The following FBXW11 variants were observed in gnomAD, a reference collection of about 807,000 sequenced individuals.
FBXW11 encodes the protein F-box/WD repeat-containing protein 11.
Under a neutral mutation model 77.6 loss-of-function variants are expected in FBXW11, and 19 were observed. The observed-to-expected ratio is 0.24, with a 90% CI of 0.17 to 0.36. The LOEUF is 0.36. Among genes scored for constraint, FBXW11 ranks in the 10% least tolerant of loss-of-function variants. The pLI, the probability that FBXW11 is intolerant of heterozygous loss-of-function variation, is 1.00. For synonymous variants in FBXW11, 235 were observed against 249.4 expected (o/e 0.94, Z 0.54); for missense variants, 334 against 704.2 (o/e 0.47, Z 5.95).
At chr5:171,933,576 T>C (rs839263) in intron 2 of FBXW11, among the ~76,000 whole-genome samples, 6,872 of 152,188 alleles carry the variant, frequency 0.045, 370 homozygotes, top group African/African-American at 0.13. Flanking sequence ...GCCCACATTG[T>C]AAGAGGTTGT....
intron 1 of FBXW11, among the ~76,000 whole-genome samples, chr5:171,963,373 A>AT (rs1233826856): frequency 6.6e-6 from 1 of 152,190 alleles, no homozygotes; most frequent in Non-Finnish European, 1.5e-5. Context: ...AAAATGAAAC[A>AT]TCCTATGCAA....
chr5:171,959,200 C>A (rs1340954128), intron 1 of FBXW11, among the ~76,000 whole-genome samples: 2 of 151,964 alleles, frequency 1.3e-5, no homozygotes, highest in Admixed American at 1.3e-4. Context: ...AAATGACACA[C>A]TTCCAAGGTG....
intron 6 of FBXW11, among the ~76,000 whole-genome samples, chr5:171,894,416 A>G (rs1354759852): frequency 3.9e-5 from 6 of 152,240 alleles, no homozygotes; most frequent in Non-Finnish European, 8.8e-5. Flanking sequence ...TTGATGTGTC[A>G]TTTTACAAAG....
At chr5:171,870,930 T>A (rs534611435) in intron 10 of FBXW11, 72 bp from the exon 11 acceptor site, 4 of 1,036,940 alleles carry the variant, frequency 3.9e-6, no homozygotes, top group African/African-American at 1.6e-5. Context: ...GTTTTTTATA[T>A]CTGTTCCATA....
chr5:171,933,623 G>A (rs1014488528), intron 2 of FBXW11, among the ~76,000 whole-genome samples: 5 of 152,108 alleles, frequency 3.3e-5, no homozygotes, highest in Non-Finnish European at 7.4e-5. Context: ...AGAATCCCAG[G>A]AGGAAGTATT....
At chr5:171,956,098 G>A (rs1763594418) in intron 2 of FBXW11, among the ~76,000 whole-genome samples, 1 of 152,080 alleles carries the variant, frequency 6.6e-6, no homozygotes, top group African/African-American at 2.4e-5. Flanking sequence ...TTCCAGTTCT[G>A]GAAAAAACTC....
rs539716018 is a variant in FBXW11 at position 171,874,093 on chromosome 5, G to A, written c.1222-1103C>T. Among the ~76,000 whole-genome samples, 6 of 152,280 alleles carry A rather than the reference G, an allele frequency of 3.9e-5. No individual in the cohort carries two copies. The East Asian group carries it at 1.2e-3, about 29-fold the overall frequency. ...AGTGAAAAGACAACTCACAGAAAGG[G>A]AGAAAATATTTGCAAATCATGTATC... On this transcript the variant is annotated intron_variant, in intron 9 of 13. Transcript: ENST00000517395.
intron 1 of FBXW11, among the ~76,000 whole-genome samples, chr5:172,002,696 C>CTTTTTTTTTTTTTTTTTTTTTTTT (rs34300477): frequency 2.1e-5 from 2 of 97,054 alleles, no homozygotes; most frequent in African/African-American, 4.7e-5. Context: ...TTTTTCTTTT[C>CTTTTTTTTTTTTTTTTTTTTTTTT]TTTTTTTTTT....
chr5:171,977,706 G>A (rs1233781590), intron 1 of FBXW11: 1 of 415,602 alleles, frequency 2.4e-6, no homozygotes, highest in African/African-American at 2.1e-5. Flanking sequence ...ATCTTAAGTA[G>A]AATGGCAGCA....
chr5:171,925,440 C>T (rs1761838321), intron 2 of FBXW11, among the ~76,000 whole-genome samples: 1 of 152,042 alleles, frequency 6.6e-6, no homozygotes, highest in Admixed American at 6.6e-5. Flanking sequence ...ACAAAAAAAA[C>T]AGTATCTGGC....
chr5:171,939,799 G>A (rs780481468), intron 2 of FBXW11, among the ~76,000 whole-genome samples: 22 of 151,638 alleles, frequency 1.5e-4, no homozygotes, highest in African/African-American at 3.9e-4. Flanking sequence ...TTTGCAAGGC[G>A]TGTCATCCCT....
At chr5:171,929,817 G>A (rs991102764) in intron 2 of FBXW11, among the ~76,000 whole-genome samples, 61 of 152,118 alleles carry the variant, frequency 4.0e-4, no homozygotes, top group Admixed American at 2.2e-3. Flanking sequence ...GCACCACTGC[G>A]CTCCAGCCTA....
chr5:171,929,683 C>A lies in FBXW11; in HGVS notation c.148-15278G>T, dbSNP rs1256476410. Among the ~76,000 whole-genome samples, 5 of 151,848 alleles carry A rather than the reference C, an allele frequency of 3.3e-5. No individual in the cohort carries two copies. The East Asian group carries it at 9.7e-4, about 29-fold the overall frequency. ...TGGCTAATGTGGTGAAACCCCATCT[C>A]TACTAAAAATACAAAAAAATTAGCC... On this transcript the variant is annotated intron_variant, in intron 2 of 13. Coordinates refer to ENST00000517395, the MANE Select transcript of FBXW11 (RefSeq NM_001378974.1).
intron 2 of FBXW11, among the ~76,000 whole-genome samples, chr5:171,946,814 T>G (rs1180167756): frequency 7.4e-6 from 1 of 135,912 alleles, no homozygotes; most frequent in Non-Finnish European, 1.6e-5. Flanking sequence ...ACTTTTTTTT[T>G]TTTTTTTTTT....
intron 1 of FBXW11, among the ~76,000 whole-genome samples, chr5:171,982,820 C>G (rs114093841): frequency 6.6e-6 from 1 of 152,008 alleles, no homozygotes; most frequent in African/African-American, 2.4e-5. Flanking sequence ...TGACCTGACC[C>G]GAGGCACGAC....
intron 1 of FBXW11, among the ~76,000 whole-genome samples, chr5:171,992,445 GGAGAGAGA>G (rs142539171): frequency 1.3e-5 from 2 of 148,270 alleles, no homozygotes; most frequent in African/African-American, 2.5e-5. Flanking sequence ...AGAGAAAGGG[GGAGAGAGA>G]GAGAGAGAGG....
intron 7 of FBXW11, among the ~76,000 whole-genome samples, chr5:171,879,222 G>C (rs1448904464): frequency 6.6e-6 from 1 of 152,128 alleles, no homozygotes; most frequent in East Asian, 1.9e-4. Context: ...AGCCTTTTTA[G>C]ATTGGCTTCT....
intron 7 of FBXW11, among the ~76,000 whole-genome samples, chr5:171,881,170 A>G (rs1336514988): frequency 6.6e-6 from 1 of 152,184 alleles, no homozygotes; most frequent in Non-Finnish European, 1.5e-5. Context: ...GTCATCTACA[A>G]GCAAAGACAG....
In FBXW11 at chr5:171,931,447, TC is replaced by T. The variant is rs375971346; in HGVS notation, c.148-17043del. 7.2e-4 allele frequency among the ~76,000 whole-genome samples: 109 copies of T among 152,288 alleles called. 1 individual carries two copies. The highest frequency in any genetic ancestry group is 2.4e-3 in the African/African-American group (98 of 41,560). ...AGCAAAGTCAATACGATGAAGAGTC[TC>T]ATCAACAAATGGACATCTATATGCA... On this transcript the variant is annotated intron_variant, in intron 2 of 13. Coordinates refer to ENST00000517395, the MANE Select transcript of FBXW11 (RefSeq NM_001378974.1).
Sources: allele counts gnomAD v4.1 joint callset (sites outside exome capture counted in the v4.1 genomes callset), GRCh38; gene constraint gnomAD v4.1.1; transcripts MANE v1.5; gene names NCBI Gene and HGNC (gene_info 2026-07-23, HGNC 2026-07-21).